The following COL5A3 variants were observed in gnomAD, a reference collection of about 807,000 sequenced individuals.
COL5A3 encodes collagen type V alpha 3 chain.
In COL5A3, 172 loss-of-function variants were observed where a neutral mutation model predicts 250.0. That is an observed-to-expected ratio of 0.69 (90% CI 0.61 to 0.78). The LOEUF is 0.78. COL5A3 is among the 30% of genes least tolerant of loss of function. The probability of loss-of-function intolerance (pLI) is 0.00; values close to 1 mark genes in which losing one functional copy is unlikely to be tolerated. For synonymous variants in COL5A3, 937 were observed against 900.4 expected (o/e 1.04, Z -0.73); for missense variants, 2,340 against 2,334.4 (o/e 1.00, Z -0.05).
intron 1 of COL5A3, among the ~76,000 whole-genome samples, chr19:10,007,500 C>T (rs1021083349): frequency 2.0e-5 from 3 of 152,280 alleles, no homozygotes; most frequent in Non-Finnish European, 4.4e-5. Context: ...CTAAGTGGAA[C>T]CACATGGCTT....
chr19:9,979,075 T>G (rs1266590270), intron 39 of COL5A3, 57 bp downstream of exon 39: 1 of 1,483,846 alleles, frequency 6.7e-7, no homozygotes, highest in East Asian at 2.3e-5. Flanking sequence ...AGACTGATTC[T>G]GAGTCCTTGG....
At chr19:10,007,237 C>G (rs999238394) in intron 1 of COL5A3, among the ~76,000 whole-genome samples, 14 of 151,954 alleles carry the variant, frequency 9.2e-5, no homozygotes, top group African/African-American at 3.4e-4. Flanking sequence ...TCAACTCCCT[C>G]TGACCTCCTC....
Position 9,979,128 on chromosome 19 carries a change from T to A in COL5A3, c.2874+4A>T. 4 of 1,573,042 alleles carry A rather than the reference T, an allele frequency of 2.5e-6. No individual in the cohort carries two copies. Among genetic ancestry groups the A allele is most frequent in the Non-Finnish European group, 3.4e-6 (4 of 1,164,064 alleles). On this transcript the variant is annotated splice_donor_region_variant and intron_variant, in intron 39 of 66. Transcript: ENST00000264828. ...ACCAAGATCTCCAGTGGACAGTGTC[T>A]CACCTTGGCCCCCTCTCTGCCTTCC...
chr19:9,966,829 A>T, intron 62 of COL5A3, 83 bp from the exon 63 acceptor site: 1 of 1,039,614 alleles, frequency 9.6e-7, no homozygotes, highest in Non-Finnish European at 1.4e-6. Flanking sequence ...GCAGAGATGA[A>T]GAGGCAGACA....
At chr19:9,990,594 G>A (rs1194517232) in intron 24 of COL5A3, among the ~76,000 whole-genome samples, 8 of 150,934 alleles carry the variant, frequency 5.3e-5, no homozygotes, top group South Asian at 2.1e-4. Context: ...GTGGAGTCTC[G>A]CTCTGTCGCC....
intron 2 of COL5A3, 24 bp downstream of exon 2, chr19:10,006,049 C>T (rs779558479): frequency 6.2e-7 from 1 of 1,612,408 alleles, no homozygotes; most frequent in South Asian, 1.1e-5. Flanking sequence ...CGGGGAGGTA[C>T]CCAGGCCTCC....
At chr19:9,998,977 C>G (rs1374385620) in intron 8 of COL5A3, among the ~76,000 whole-genome samples, 1 of 152,078 alleles carries the variant, frequency 6.6e-6, no homozygotes, top group African/African-American at 2.4e-5. Flanking sequence ...AGCCACCATG[C>G]TTGGCTCCTT....
rs1479133850 is a variant in COL5A3, at chr19:9,968,567, G to T, written c.4207-75C>A. The T allele has an allele frequency of 3.2e-6, 5 of 1,577,928 alleles. No individual in the cohort carries two copies. Among genetic ancestry groups the T allele is most frequent in the African/African-American group, 2.7e-5 (2 of 73,622 alleles). ...GAGGTTTTTCTCCTAGAGCCTTAGGGTGATGAGTTTGGGAGCAGAGGATGC... is the reference window on the plus strand; with the variant it reads ...GAGGTTTTTCTCCTAGAGCCTTAGGTTGATGAGTTTGGGAGCAGAGGATGC... On this transcript the variant is annotated intron_variant, in intron 58 of 66. Coordinates refer to ENST00000264828, the MANE Select transcript of COL5A3 (RefSeq NM_015719.4). The surrounding 1 kb of genome is among the most constrained non-coding windows in gnomAD (Gnocchi z 4.1).
rs750645672 is a variant in COL5A3 at position 9,989,493 on chromosome 19, G to A, written c.2022C>T (p.Gly674=). 31 of 1,613,086 alleles carry A rather than the reference G, an allele frequency of 1.9e-5. No homozygotes were observed. In the East Asian group the frequency reaches 6.5e-4, roughly 34 times the overall value. The change falls in exon 25 of 67, where the codon GGC becomes GGT. Residue 674 remains glycine, a synonymous_variant. Transcript: ENST00000264828. ...KGPPGNPGIP[G]LPGSDGPLGH... is the part of the protein sequence containing the mutation. Reference sequence around the variant, plus strand: ...CCAGAGGGCCATCGGATCCTGGGAGGCCTGGAATTCCTGGGTTTCCAGGGG... The same window carrying A: ...CCAGAGGGCCATCGGATCCTGGGAGACCTGGAATTCCTGGGTTTCCAGGGG...
intron 32 of COL5A3, among the ~76,000 whole-genome samples, chr19:9,981,673 G>A (rs2087011500): frequency 6.6e-6 from 1 of 152,176 alleles, no homozygotes; most frequent in Non-Finnish European, 1.5e-5. Context: ...CACTCAGTGT[G>A]CACAGAAACA....
In COL5A3 at chr19:10,005,992, G is replaced by C; in HGVS notation, c.248-7C>G. The C allele has an allele frequency of 6.2e-7, 1 of 1,612,708 alleles. No homozygotes were observed. Among genetic ancestry groups the C allele is most frequent in the Non-Finnish European group, 8.5e-7 (1 of 1,178,894 alleles). On this transcript the variant is annotated splice_polypyrimidine_tract_variant and splice_region_variant and intron_variant, in intron 2 of 66. Transcript: ENST00000264828. ...TTCTCAGGAAAGTGGCCTTCTGGGT[G>C]GGCAGAGGGAACAAGGCAGCTCAGA...
At chr19:9,984,835 C>T (rs998088299) in intron 31 of COL5A3, among the ~76,000 whole-genome samples, 8 of 151,946 alleles carry the variant, frequency 5.3e-5, no homozygotes, top group Non-Finnish European at 7.4e-5. Flanking sequence ...CTGTCACCCA[C>T]GCTGGGGTGC....
intron 61 of COL5A3, 74 bp downstream of exon 61, chr19:9,967,830 C>T (rs1237837220): frequency 2.0e-5 from 29 of 1,415,668 alleles, no homozygotes; most frequent in Admixed American, 6.4e-5. Flanking sequence ...AAGGCAGAGA[C>T]GTGGAGGGTT....
chr19:9,970,721 T>C (rs778747136), intron 53 of COL5A3, 46 bp from the exon 54 acceptor site: 15 of 1,368,726 alleles, frequency 1.1e-5, no homozygotes, highest in Non-Finnish European at 1.4e-5. Flanking sequence ...TAACATTGTT[T>C]GAGCCTGACT....
chr19:10,003,691 G>T lies in COL5A3; in HGVS notation c.723C>A (p.Thr241=), dbSNP rs1451269952. The change falls in exon 6 of 67, where the codon ACC becomes ACA. Residue 241 remains threonine (T), a synonymous_variant. Coordinates refer to ENST00000264828, the MANE Select transcript of COL5A3 (RefSeq NM_015719.4). ...CCTTCCCCTTCCGCCGAGGACGAGG[G>T]GTTTCTGGTTCACCCTGGGGAGCCT... The part of the protein sequence containing the change: ...ATVAPQGEPE[T]PRPRRKGKGK... The T allele has an allele frequency of 1.9e-6, 3 of 1,614,138 alleles. No homozygotes were observed. The highest frequency in any genetic ancestry group is 3.3e-5 in the Admixed American group (2 of 60,020).
chr19:9,998,151 TG>T lies in COL5A3; in HGVS notation c.1111-3del, dbSNP rs758761159. On this transcript the variant is annotated splice_polypyrimidine_tract_variant and splice_region_variant and intron_variant, in intron 8 of 66. Transcript: ENST00000264828. Reference sequence around the variant, plus strand: ...TTTTGCTCCTTTCTCTCCAGCACCCTGGGGTGGGGTCAGGGGAGATGGAGAG... The same window carrying T: ...TTTTGCTCCTTTCTCTCCAGCACCCTGGGTGGGGTCAGGGGAGATGGAGAG... The T allele has an allele frequency of 1.2e-6, 2 of 1,612,914 alleles. No homozygotes were observed. The highest frequency in any genetic ancestry group is 3.3e-5 in the Admixed American group (2 of 59,790).
intron 27 of COL5A3, among the ~76,000 whole-genome samples, chr19:9,988,855 A>AAAAAGAGAGAGAGAGAAAG (rs1269531312): frequency 6.3e-4 from 66 of 104,578 alleles, no homozygotes; most frequent in Non-Finnish European, 6.8e-4. Flanking sequence ...AAAAAAAAAA[A>AAAAAGAGAGAGAGAGAAAG]AAAGAAAGTA....
intron 64 of COL5A3, among the ~76,000 whole-genome samples, chr19:9,965,193 C>T (rs1388058214): frequency 1.5e-5 from 2 of 136,954 alleles, no homozygotes; most frequent in African/African-American, 5.4e-5. Context: ...CTCGCTCTGT[C>T]GCCCAGGCTG....
At chr19:9,961,523 C>G (rs1160108993) in intron 65 of COL5A3, among the ~76,000 whole-genome samples, 2 of 149,992 alleles carry the variant, frequency 1.3e-5, no homozygotes, top group African/African-American at 4.9e-5. Context: ...CACCACCATG[C>G]CTGGCTGGGA....
Sources: gnomAD v4.1 joint callset for allele counts (sites outside exome capture counted in the v4.1 genomes callset) on GRCh38, gnomAD v4.1.1 for gene constraint, Gnocchi (gnomAD v3.1) non-coding constraint, MANE v1.5 for transcripts, NCBI Gene and HGNC (gene_info 2026-07-23, HGNC 2026-07-21) for gene names.